The following GSG1L variants were observed in gnomAD, a reference collection of about 807,000 sequenced individuals.
GSG1L encodes the protein GSG1 like.
GSG1L carries 24 observed loss-of-function variants against 42.1 expected under a neutral mutation model. The observed-to-expected ratio is 0.57, with a 90% CI of 0.41 to 0.80. The LOEUF (loss-of-function observed/expected upper bound fraction) is 0.80. Among genes scored for constraint, GSG1L ranks in the 30% least tolerant of loss-of-function variants. The pLI is 0.00. For missense variants in GSG1L, 445 were observed against 472.2 expected (o/e 0.94, Z 0.53); for synonymous variants, 215 against 203.5 (o/e 1.06, Z -0.48).
At chr16:27,797,800 T>A (rs1445312893) in intron 6 of GSG1L, among the ~76,000 whole-genome samples, 1 of 117,346 alleles carries the variant, frequency 8.5e-6, no homozygotes, top group Non-Finnish European at 1.6e-5. Context: ...ACGGCCTGGG[T>A]GACAGAGAGA....
chr16:27,861,917 G>A (rs895429358), intron 3 of GSG1L, among the ~76,000 whole-genome samples: 4 of 152,122 alleles, frequency 2.6e-5, no homozygotes, highest in South Asian at 2.1e-4. Context: ...CCACTCTGAC[G>A]AGCCAGAGAC....
intron 1 of GSG1L, among the ~76,000 whole-genome samples, chr16:27,976,147 C>T (rs539442185): frequency 1.6e-4 from 25 of 152,204 alleles, no homozygotes; most frequent in Non-Finnish European, 3.1e-4. Context: ...CAGTGGTGCA[C>T]GCCTGTAATC....
chr16:27,987,816 G>A (rs1329197846), intron 1 of GSG1L, among the ~76,000 whole-genome samples: 5 of 151,950 alleles, frequency 3.3e-5, no homozygotes, highest in East Asian at 1.9e-4. Flanking sequence ...GCGTGGTGGC[G>A]CATGCCTGTA....
intron 1 of GSG1L, among the ~76,000 whole-genome samples, chr16:27,992,515 T>C (rs1263904806): frequency 6.6e-6 from 1 of 151,524 alleles, no homozygotes; most frequent in African/African-American, 2.4e-5. Flanking sequence ...AAAAGGAATA[T>C]TTTCTGGAGG....
chr16:27,931,285 A>G (rs1185194287), intron 2 of GSG1L, among the ~76,000 whole-genome samples: 1 of 152,168 alleles, frequency 6.6e-6, no homozygotes, highest in Non-Finnish European at 1.5e-5. Context: ...TCCCGGCTGC[A>G]ATCTCCTGCC....
At chr16:27,855,375 T>C (rs551599608) in intron 3 of GSG1L, among the ~76,000 whole-genome samples, 1 of 152,280 alleles carries the variant, frequency 6.6e-6, no homozygotes, top group African/African-American at 2.4e-5. Flanking sequence ...ATTCCACATG[T>C]AGCTATTGAG....
intron 2 of GSG1L, among the ~76,000 whole-genome samples, chr16:27,941,257 T>C (rs2084790717): frequency 6.6e-6 from 1 of 152,128 alleles, no homozygotes; most frequent in Non-Finnish European, 1.5e-5. Context: ...AGATATCTGA[T>C]AAGGTGTTAA....
At chr16:27,799,051 C>T (rs2082852010) in intron 6 of GSG1L, among the ~76,000 whole-genome samples, 1 of 152,150 alleles carries the variant, frequency 6.6e-6, no homozygotes, top group Non-Finnish European at 1.5e-5. Flanking sequence ...ACAGTGAATG[C>T]AGCAACAAGG....
chr16:27,853,350 A>G (rs2083537525), intron 3 of GSG1L, among the ~76,000 whole-genome samples: 1 of 152,210 alleles, frequency 6.6e-6, no homozygotes, highest in South Asian at 2.1e-4. Flanking sequence ...AGCTATTTTT[A>G]GACACCCTCT....
chr16:28,059,961 G>C lies in GSG1L; in HGVS notation c.349+3115C>G, dbSNP rs1205618571. 6.6e-6 allele frequency among the ~76,000 whole-genome samples: 1 copy of C among 152,168 alleles called. No individual in the cohort carries two copies. Among genetic ancestry groups the C allele is most frequent in the Non-Finnish European group, 1.5e-5 (1 of 68,038 alleles). On this transcript the variant is annotated intron_variant, in intron 1 of 6. Transcript: ENST00000447459. This position sits in a 1 kb window ranked among gnomAD's most constrained non-coding sequence, Gnocchi z 4.4. ...ACATTTCCCTGTGGCTGCCCGAGTG[G>C]GGAGAGGTTTTTCTGAGCCTAGAAA... is the stretch of plus-strand genomic sequence containing the variant.
At chr16:28,051,139 A>G (rs1488611688) in intron 1 of GSG1L, among the ~76,000 whole-genome samples, 2 of 152,186 alleles carry the variant, frequency 1.3e-5, no homozygotes. Flanking sequence ...TTCTGAGTCA[A>G]CCCAAGTGTT....
chr16:27,840,209 T>G (rs978639153), intron 4 of GSG1L, among the ~76,000 whole-genome samples: 1 of 152,016 alleles, frequency 6.6e-6, no homozygotes, highest in Non-Finnish European at 1.5e-5. Context: ...ATTTTTATTT[T>G]TTATTGTTTT....
At chr16:27,847,633 C>T (rs1232943380) in intron 3 of GSG1L, among the ~76,000 whole-genome samples, 3 of 151,522 alleles carry the variant, frequency 2.0e-5, no homozygotes, top group Non-Finnish European at 4.4e-5. Flanking sequence ...AATCTCTCAC[C>T]GAATTGTAAT....
At chr16:27,814,634 G>A (rs1644608) in intron 5 of GSG1L, among the ~76,000 whole-genome samples, 20,909 of 149,182 alleles carry the variant, frequency 0.14, 1,848 homozygotes, top group Middle Eastern at 0.21. Flanking sequence ...GCAGTGAGCC[G>A]AGATTGCACC....
intron 2 of GSG1L, among the ~76,000 whole-genome samples, chr16:27,922,000 C>CTTT (rs5816454): frequency 2.7e-4 from 36 of 133,622 alleles, no homozygotes; most frequent in African/African-American, 9.1e-4. Flanking sequence ...TGTTTGTTGT[C>CTTT]TTTTTTTTTT....
chr16:27,968,682 G>A (rs1017508958), intron 1 of GSG1L, among the ~76,000 whole-genome samples: 1 of 152,124 alleles, frequency 6.6e-6, no homozygotes, highest in African/African-American at 2.4e-5. Context: ...CCGCCCTCCT[G>A]CAGCAGGCTC....
intron 2 of GSG1L, among the ~76,000 whole-genome samples, chr16:27,896,656 G>A (rs1329942261): frequency 6.6e-6 from 1 of 152,222 alleles, no homozygotes; most frequent in Non-Finnish European, 1.5e-5. Context: ...GGTTGGCCCA[G>A]TGTAATCACA....
At position 27,995,578 on chromosome 16, in the gene GSG1L, T is replaced by A. The variant is rs142158476; in HGVS notation, c.350-32375A>T. ...TGTTTAAAGACCACAGGGACACACT[T>A]CTATCCCCTTTCCCTGCAAAACCAC... On this transcript the variant is annotated intron_variant, in intron 1 of 6. Coordinates refer to ENST00000447459, the MANE Select transcript of GSG1L (RefSeq NM_001109763.2). Among the ~76,000 whole-genome samples, 149 of 152,186 alleles carry A rather than the reference T, an allele frequency of 9.8e-4. 1 individual carries two copies. The highest frequency in any genetic ancestry group is 3.3e-3 in the African/African-American group (139 of 41,526).
At chr16:28,061,430 C>T (rs572850957) in intron 1 of GSG1L, among the ~76,000 whole-genome samples, 25 of 152,296 alleles carry the variant, frequency 1.6e-4, no homozygotes, top group African/African-American at 5.5e-4. Context: ...GTATCTCTGA[C>T]AAACGGCCAG....
Sources: allele counts gnomAD v4.1 joint callset (sites outside exome capture counted in the v4.1 genomes callset), GRCh38; gene constraint gnomAD v4.1.1; non-coding constraint Gnocchi (gnomAD v3.1); transcripts MANE v1.5; gene names NCBI Gene and HGNC (gene_info 2026-07-23, HGNC 2026-07-21).